The following ACSM2A variants were observed in gnomAD, a reference collection of about 807,000 sequenced individuals.
The protein encoded by ACSM2A is acyl-coenzyme A synthetase ACSM2A, mitochondrial.
Under a neutral mutation model 76.6 loss-of-function variants are expected in ACSM2A, and 72 were observed. The observed-to-expected ratio is 0.94, with a 90% CI of 0.78 to 1.14. ACSM2A has a LOEUF of 1.14. ACSM2A is among the 50% of genes most tolerant of loss of function. ACSM2A has a pLI of 0.00. For synonymous variants in ACSM2A, 249 were observed against 255.9 expected (o/e 0.97, Z 0.26); for missense variants, 684 against 708.5 (o/e 0.97, Z 0.39).
intron 1 of ACSM2A, among the ~76,000 whole-genome samples, chr16:20,459,489 G>C (rs1401069060): frequency 5.3e-5 from 8 of 152,186 alleles, no homozygotes; most frequent in Non-Finnish European, 1.2e-4. Context: ...ATGGGTCTGT[G>C]TGTTGCTAGT....
chr16:20,483,377 C>T (rs917929133), intron 13 of ACSM2A, among the ~76,000 whole-genome samples, 200 bp downstream of exon 13: 2 of 118,046 alleles, frequency 1.7e-5, no homozygotes, highest in Non-Finnish European at 4.0e-5. Context: ...CAAGATCAGC[C>T]TGGCCAACAT....
At chr16:20,470,619 C>T (rs1245644065) in intron 4 of ACSM2A, among the ~76,000 whole-genome samples, 1 of 152,192 alleles carries the variant, frequency 6.6e-6, no homozygotes, top group South Asian at 2.1e-4. Flanking sequence ...TATGTAGGTG[C>T]TTCCAGGGAA....
At chr16:20,464,159 TA>T (rs2012812536) in intron 2 of ACSM2A, among the ~76,000 whole-genome samples, 1 of 152,206 alleles carries the variant, frequency 6.6e-6, no homozygotes, top group African/African-American at 2.4e-5. Flanking sequence ...CACAACTATT[TA>T]ACCAGTGCCT....
At chr16:20,477,635 A>C (rs1234349566) in intron 9 of ACSM2A, among the ~76,000 whole-genome samples, 186 bp downstream of exon 9, 2 of 152,098 alleles carry the variant, frequency 1.3e-5, no homozygotes, top group African/African-American at 2.4e-5. Flanking sequence ...AAAAGGGGAA[A>C]TGATTTATAT....
chr16:20,482,674 A>C (rs993251369), intron 12 of ACSM2A: 2 of 166,424 alleles, frequency 1.2e-5, no homozygotes, highest in African/African-American at 4.8e-5. Context: ...CCGTAAGTTA[A>C]ATTTGGCAAT....
At chr16:20,486,366 G>A (rs1249040266) in intron 13 of ACSM2A, among the ~76,000 whole-genome samples, 1 of 152,222 alleles carries the variant, frequency 6.6e-6, no homozygotes, top group Admixed American at 6.5e-5. Context: ...CTCTGTCTGA[G>A]AATATGTCAA....
chr16:20,468,496 A>T (rs1323331526), intron 3 of ACSM2A, among the ~76,000 whole-genome samples: 2 of 152,190 alleles, frequency 1.3e-5, no homozygotes, highest in African/African-American at 4.8e-5. Context: ...AGTAGCTGGG[A>T]TTACAGGCGT....
In ACSM2A at chr16:20,460,916, G is replaced by A. The variant is rs2012583155; in HGVS notation, c.177+625G>A. Reference sequence around the variant, plus strand: ...GTTAGGTCACGTGTCCCTGTCAATAGAGGTGTGCAAGTAAGATAGCTACGA... The same window carrying A: ...GTTAGGTCACGTGTCCCTGTCAATAAAGGTGTGCAAGTAAGATAGCTACGA... On this transcript the variant is annotated intron_variant, in intron 2 of 13. Transcript: ENST00000573854. Among the ~76,000 whole-genome samples, 2 of 122,600 alleles carry A rather than the reference G, an allele frequency of 1.6e-5. 1 individual carries two copies. The highest frequency in any genetic ancestry group is 6.0e-4 in the South Asian group (2 of 3,336). The allele number at this position is 122,600 out of a possible 152,430, so 80.4% of individuals were successfully genotyped here.
chr16:20,476,105 A>C (rs2013725124), intron 8 of ACSM2A: 8 of 1,093,248 alleles, frequency 7.3e-6, no homozygotes, highest in South Asian at 2.6e-5. Flanking sequence ...TATGGTAGTC[A>C]GAAAATTCCT....
chr16:20,478,918 C>A lies in ACSM2A; in HGVS notation c.1281+241C>A, dbSNP rs563898398. 6.6e-5 allele frequency among the ~76,000 whole-genome samples: 10 copies of A among 152,282 alleles called. No homozygotes were observed. The South Asian group carries it at 2.1e-3, about 32-fold the overall frequency. On this transcript the variant is annotated intron_variant, in intron 10 of 13. Coordinates refer to ENST00000573854, the MANE Select transcript of ACSM2A (RefSeq NM_001308172.2). Reference sequence around the variant, plus strand: ...TTTTTCTTCAGTTAGCCCTTAGACTCCTCAAGAACTCTCTGTTTCATGCCC... The same window carrying A: ...TTTTTCTTCAGTTAGCCCTTAGACTACTCAAGAACTCTCTGTTTCATGCCC...
Position 20,472,099 on chromosome 16 carries a change from C to T in ACSM2A, c.894+410C>T, listed in dbSNP as rs191882014. Among the ~76,000 whole-genome samples the T allele has an allele frequency of 1.7e-3, 263 of 152,168 alleles. 2 individuals carry two copies. Among genetic ancestry groups the T allele is most frequent in the Middle Eastern group, 0.017 (5 of 294 alleles). On this transcript the variant is annotated intron_variant, in intron 6 of 13. Coordinates refer to ENST00000573854, the MANE Select transcript of ACSM2A (RefSeq NM_001308172.2). Reference sequence around the variant, plus strand: ...CACATTTCATTTCCTTTTTTATTTGCAGCATAACACACAAACTGAAGGTAA... The same window carrying T: ...CACATTTCATTTCCTTTTTTATTTGTAGCATAACACACAAACTGAAGGTAA...
chr16:20,472,503 G>A (rs1301836212), intron 6 of ACSM2A, among the ~76,000 whole-genome samples: 1 of 152,106 alleles, frequency 6.6e-6, no homozygotes, highest in Non-Finnish European at 1.5e-5. Context: ...ATCAAGTTGA[G>A]GGTTAGAGCT....
chr16:20,455,016 C>A (rs2012052241), intron 1 of ACSM2A, among the ~76,000 whole-genome samples: 1 of 149,954 alleles, frequency 6.7e-6, no homozygotes, highest in Admixed American at 6.7e-5. Flanking sequence ...TGAAAAGCCT[C>A]AACAATAGAA....
chr16:20,486,878 G>T lies in ACSM2A; in HGVS notation c.*200G>T. On this transcript the variant is annotated 3_prime_UTR_variant, in exon 14 of 14. Transcript: ENST00000573854. ...GGGAAGGAATGAGAGAGAGTGAAAA[G>T]GAGAGGGTAACAGAAAAAAAGGAAA... The T allele has an allele frequency of 1.7e-6, 1 of 579,030 alleles. No homozygotes were observed. The highest frequency in any genetic ancestry group is 3.1e-5 in the South Asian group (1 of 32,036). 35.9% of individuals were successfully genotyped at this position (579,030 alleles called of 1,614,324 possible). A position where few individuals can be genotyped will look rare whatever the true frequency, so the allele number is the denominator to read the frequency against.
intron 3 of ACSM2A, 150 bp from the exon 4 acceptor site, chr16:20,469,362 T>G (rs2013223089): frequency 1.4e-6 from 2 of 1,446,236 alleles, no homozygotes. Context: ...TCCCTTGTCC[T>G]TAGTTCCCTT....
intron 6 of ACSM2A, among the ~76,000 whole-genome samples, chr16:20,474,579 G>T (rs1484552161): frequency 6.6e-6 from 1 of 152,160 alleles, no homozygotes; most frequent in Non-Finnish European, 1.5e-5. Context: ...CTCAGTTACA[G>T]CAAAAGAAAA....
At chr16:20,459,427 T>A (rs1430106726) in intron 1 of ACSM2A, among the ~76,000 whole-genome samples, 6 of 152,208 alleles carry the variant, frequency 3.9e-5, no homozygotes, top group Non-Finnish European at 7.4e-5. Flanking sequence ...TTTGCTACAG[T>A]AACAAACACC....
At position 20,476,067 on chromosome 16, in the gene ACSM2A, A is replaced by C. The variant is rs562513616; in HGVS notation, c.1098+294A>C. Reference sequence around the variant, plus strand: ...TGCGATGGAAAAAGTAAAGTAGATGACATGGGGTGAGAAGTTGGTAAATCA... The same window carrying C: ...TGCGATGGAAAAAGTAAAGTAGATGCCATGGGGTGAGAAGTTGGTAAATCA... On this transcript the variant is annotated intron_variant, in intron 8 of 13. Transcript: ENST00000573854. The C allele has an allele frequency of 8.2e-4, 864 of 1,057,534 alleles. 1 individual carries two copies. The highest frequency in any genetic ancestry group is 9.6e-4 in the Non-Finnish European group (807 of 838,482). 65.5% of individuals were successfully genotyped at this position (1,057,534 alleles called of 1,614,324 possible). A position where few individuals can be genotyped will look rare whatever the true frequency, so the allele number is the denominator to read the frequency against.
Position 20,469,556 on chromosome 16 carries a change from A to G in ACSM2A, c.433A>G (p.Ile145Val). 1 of 1,613,772 alleles carries G rather than the reference A, an allele frequency of 6.2e-7. No homozygotes were observed. Among genetic ancestry groups the G allele is most frequent in the South Asian group, 1.1e-5 (1 of 91,060 alleles). The change falls in exon 4 of 14, where the codon ATA (isoleucine) becomes GTA (valine). Residue 145 changes from isoleucine (I) to valine (V), a missense_variant. Around this residue, in one of 3 missense-constraint regions of ACSM2A, gnomAD observed 519 missense variants for 549.5 expected, o/e 0.94. Coordinates refer to ENST00000573854, the MANE Select transcript of ACSM2A (RefSeq NM_001308172.2). ...AACCATCCAGATGAAATCCACTGAC[A>G]TACTGTATAGGTTGCAGATGTCTAA... ...PGTIQMKSTD[I>V]LYRLQMSKAK...
Sources: allele counts gnomAD v4.1 joint callset (sites outside exome capture counted in the v4.1 genomes callset), GRCh38; gene constraint gnomAD v4.1.1; regional missense constraint gnomAD v4.1.1; transcripts MANE v1.5; gene names NCBI Gene and HGNC (gene_info 2026-07-23, HGNC 2026-07-21).